NBEA: variants seen among roughly 807,000 people sequenced by gnomAD.
NBEA encodes neurobeachin.
A neutral mutation model predicts 343.4 loss-of-function variants in NBEA; 44 were observed. That is an observed-to-expected ratio of 0.13 (90% confidence interval 0.10 to 0.16). The LOEUF (loss-of-function observed/expected upper bound fraction) is 0.16, where lower values mean the gene tolerates loss of function less well. NBEA is among the 10% of genes least tolerant of loss of function. NBEA has a pLI of 1.00. For synonymous variants in NBEA, 1,175 were observed against 1,238.7 expected (o/e 0.95, Z 1.08); for missense variants, 2,555 against 3,631.3 (o/e 0.70, Z 7.62).
intron 16 of NBEA, among the ~76,000 whole-genome samples, chr13:35,122,214 T>TAAA (rs916032648): frequency 6.6e-6 from 1 of 151,816 alleles, no homozygotes; most frequent in African/African-American, 2.4e-5. Context: ...ATATACTTGT[T>TAAA]AAAAAAAACC....
chr13:35,518,122 T>C lies in NBEA; in HGVS notation c.6586-32355T>C, dbSNP rs573207598. Among the ~76,000 whole-genome samples the C allele has an allele frequency of 2.0e-5, 3 of 152,256 alleles. No homozygotes were observed. The East Asian group carries it at 5.8e-4, about 29-fold the overall frequency. On this transcript the variant is annotated intron_variant, in intron 41 of 58. Transcript: ENST00000379939. The stretch of plus-strand genomic sequence containing the variant: ...CTTGGTACTTTGTTAATTCCGGATA[T>C]ATGGAGGTGAGCAAGTCCCTACCTT...
At chr13:35,457,843 G>A (rs1378878542) in intron 40 of NBEA, among the ~76,000 whole-genome samples, 3 of 151,190 alleles carry the variant, frequency 2.0e-5, no homozygotes, top group African/African-American at 4.8e-5. Flanking sequence ...TCCTGACCTC[G>A]TGATCCGCCC....
At chr13:35,032,790 A>G (rs1030458495) in intron 1 of NBEA, among the ~76,000 whole-genome samples, 2 of 151,596 alleles carry the variant, frequency 1.3e-5, no homozygotes, top group Non-Finnish European at 3.0e-5. Context: ...CCCATTTGCC[A>G]TTTGTATATC....
intron 18 of NBEA, among the ~76,000 whole-genome samples, chr13:35,154,549 A>G (rs982124815): frequency 6.6e-6 from 1 of 152,236 alleles, no homozygotes; most frequent in Non-Finnish European, 1.5e-5. Context: ...TTGTACATAC[A>G]TTATTGATAT....
At chr13:35,360,929 CATT>C (rs1368216745) in intron 38 of NBEA, among the ~76,000 whole-genome samples, 1 of 151,902 alleles carries the variant, frequency 6.6e-6, no homozygotes, top group Non-Finnish European at 1.5e-5. Flanking sequence ...GGTACAGAAA[CATT>C]ATTTACAGAA....
chr13:34,943,573 T>G (rs2059098829), intron 1 of NBEA, among the ~76,000 whole-genome samples: 1 of 152,154 alleles, frequency 6.6e-6, no homozygotes, highest in Admixed American at 6.5e-5. Flanking sequence ...GCGCATTAGC[T>G]TCCAACTTGA....
chr13:34,984,480 T>A (rs1297611259), intron 1 of NBEA, among the ~76,000 whole-genome samples: 1 of 152,240 alleles, frequency 6.6e-6, no homozygotes, highest in Non-Finnish European at 1.5e-5. Flanking sequence ...CTTAGTGTGA[T>A]GCCTCCAGCT....
At chr13:35,289,501 A>C (rs939366646) in intron 34 of NBEA, among the ~76,000 whole-genome samples, 1 of 151,892 alleles carries the variant, frequency 6.6e-6, no homozygotes, top group African/African-American at 2.4e-5. Context: ...CTACCAATTA[A>C]GATCTGCTTT....
At chr13:35,269,608 A>G (rs540839044) in intron 34 of NBEA, among the ~76,000 whole-genome samples, 1 of 152,282 alleles carries the variant, frequency 6.6e-6, no homozygotes, top group South Asian at 2.1e-4. Context: ...ACGAATATAG[A>G]ACTGTAGGGT....
At chr13:35,575,363 A>C (rs762037017) in intron 45 of NBEA, among the ~76,000 whole-genome samples, 52 of 152,322 alleles carry the variant, frequency 3.4e-4, no homozygotes, top group Non-Finnish European at 4.0e-4. Flanking sequence ...TTAGAGAAAC[A>C]AATTTTCAAG....
rs754158708 is a variant in NBEA, at chr13:35,593,381, A to G, written c.7230A>G (p.Pro2410=). The G allele has an allele frequency of 4.0e-5, 64 of 1,612,652 alleles. No homozygotes were observed. Among genetic ancestry groups the G allele is most frequent in the Non-Finnish European group, 5.3e-5 (62 of 1,178,874 alleles). The part of the protein sequence containing the change: ...LNANDGKFDH[P]DRTFSSVARS... ...CAAATGATGGAAAATTTGATCATCC[A>G]GATCGAACCTTCTCATCCGTTGCAA... Residue 2410 remains proline (P), a synonymous_variant, in exon 47 of 59, where the codon CCA becomes CCG. Coordinates refer to ENST00000379939, the MANE Select transcript of NBEA (RefSeq NM_001385012.1).
intron 44 of NBEA, among the ~76,000 whole-genome samples, chr13:35,558,719 G>T (rs577519929): frequency 1.8e-4 from 28 of 152,314 alleles, no homozygotes; most frequent in Non-Finnish European, 3.7e-4. Context: ...AAGCCCTCTA[G>T]TTGGTTCTGA....
intron 41 of NBEA, chr13:35,476,794 G>T: frequency 9.7e-7 from 1 of 1,030,390 alleles, no homozygotes; most frequent in Non-Finnish European, 1.2e-6. Flanking sequence ...GCTCCAACCC[G>T]GCTAATTAAT....
chr13:35,641,487 G>A (rs757226318), intron 49 of NBEA, among the ~76,000 whole-genome samples: 14 of 152,156 alleles, frequency 9.2e-5, no homozygotes, highest in Middle Eastern at 3.4e-3. Context: ...ATACTATACA[G>A]CAAAAGAAAA....
intron 1 of NBEA, among the ~76,000 whole-genome samples, chr13:34,985,316 G>A (rs956069854): frequency 6.6e-6 from 1 of 150,866 alleles, no homozygotes; most frequent in Non-Finnish European, 1.5e-5. Flanking sequence ...TTTGTCGTTG[G>A]TTCTGTTTAT....
At chr13:35,229,542 G>T (rs2074851846) in intron 33 of NBEA, among the ~76,000 whole-genome samples, 1 of 152,014 alleles carries the variant, frequency 6.6e-6, no homozygotes, top group African/African-American at 2.4e-5. Context: ...GGACTTAAGG[G>T]CATGGGCTTT....
intron 38 of NBEA, among the ~76,000 whole-genome samples, chr13:35,416,423 A>G (rs2043913165): frequency 6.6e-6 from 1 of 152,150 alleles, no homozygotes; most frequent in African/African-American, 2.4e-5. Flanking sequence ...CGTCCCATCA[A>G]TACCTACTTT....
chr13:35,645,575 G>T (rs1187103376), intron 49 of NBEA, among the ~76,000 whole-genome samples: 1 of 151,986 alleles, frequency 6.6e-6, no homozygotes, highest in Non-Finnish European at 1.5e-5. Flanking sequence ...GTATAGCTTA[G>T]GATACAGGAA....
intron 48 of NBEA, among the ~76,000 whole-genome samples, chr13:35,621,929 A>G (rs1222170942): frequency 6.6e-6 from 1 of 152,226 alleles, no homozygotes; most frequent in African/African-American, 2.4e-5. Context: ...CTAATTGGCA[A>G]TCATCCCATT....
Sources: allele counts gnomAD v4.1 joint callset (sites outside exome capture counted in the v4.1 genomes callset), GRCh38; gene constraint gnomAD v4.1.1; transcripts MANE v1.5; gene names NCBI Gene and HGNC (gene_info 2026-07-23, HGNC 2026-07-21).